The following HDAC8 variants were observed in gnomAD, a reference collection of about 807,000 sequenced individuals.
HDAC8 encodes the protein histone deacetylase 8.
HDAC8 carries 1 observed loss-of-function variant against 32.2 expected under a neutral mutation model. The ratio of observed to expected loss-of-function variants is 0.03; its 90% CI spans 0.01 to 0.15. HDAC8 has a LOEUF of 0.15. Among genes scored for constraint, HDAC8 ranks in the 10% least tolerant of loss-of-function variants. HDAC8 has a pLI of 1.00. For synonymous variants in HDAC8, 108 were observed against 113.9 expected (o/e 0.95, Z 0.33); for missense variants, 117 against 300.0 (o/e 0.39, Z 4.51).
chrX:72,503,012 C>A (rs1569351163), intron 4 of HDAC8, among the ~76,000 whole-genome samples: 1 of 112,222 alleles, frequency 8.9e-6, no homozygotes, highest in East Asian at 2.8e-4. Flanking sequence ...AGAAACTACA[C>A]CTCTTTGTCA....
intron 4 of HDAC8, among the ~76,000 whole-genome samples, chrX:72,557,221 AC>A (rs1354468643): frequency 8.9e-6 from 1 of 111,774 alleles, no homozygotes; most frequent in Non-Finnish European, 1.9e-5. Context: ...AAACAAAAAA[AC>A]ATTCTACCCA....
chrX:72,431,468 T>A (rs1275008630), intron 9 of HDAC8, among the ~76,000 whole-genome samples: 1 of 111,843 alleles, frequency 8.9e-6, no homozygotes, highest in East Asian at 2.8e-4. Flanking sequence ...TTAGGACAGT[T>A]CCACTTTTTT....
At chrX:72,520,821 A>G (rs2049958012) in intron 4 of HDAC8, among the ~76,000 whole-genome samples, 1 of 112,227 alleles carries the variant, frequency 8.9e-6, no homozygotes, top group Admixed American at 9.4e-5. Context: ...TTTGTTTTTC[A>G]TGATAATGGC....
chrX:72,450,336 G>A (rs2047538252), intron 9 of HDAC8, among the ~76,000 whole-genome samples: 1 of 112,216 alleles, frequency 8.9e-6, no homozygotes, highest in African/African-American at 3.2e-5. Flanking sequence ...GTATCCTGAC[G>A]ACGGTAGTAG....
chrX:72,386,045 A>T (rs2045417038), intron 9 of HDAC8, among the ~76,000 whole-genome samples: 1 of 112,200 alleles, frequency 8.9e-6, no homozygotes, highest in Non-Finnish European at 1.9e-5. Flanking sequence ...CTGTGGTGGT[A>T]AAAAATTAGG....
At chrX:72,404,559 C>T (rs1429945348) in intron 9 of HDAC8, among the ~76,000 whole-genome samples, 3 of 109,877 alleles carry the variant, frequency 2.7e-5, no homozygotes, top group Non-Finnish European at 5.7e-5. Context: ...GGATAATTTT[C>T]CTTACTTAGT....
At chrX:72,553,031 C>G (rs1302286250) in intron 4 of HDAC8, among the ~76,000 whole-genome samples, 2 of 110,355 alleles carry the variant, frequency 1.8e-5, no homozygotes, top group Non-Finnish European at 3.8e-5. Flanking sequence ...TGCAGTTGTA[C>G]TAGCCACCCT....
At chrX:72,468,430 C>T (rs781794175) in intron 7 of HDAC8, among the ~76,000 whole-genome samples, 1 of 111,274 alleles carries the variant, frequency 9.0e-6, no homozygotes, top group African/African-American at 3.3e-5. Flanking sequence ...GTGCCAATTC[C>T]TCCAGAATTC....
At chrX:72,440,502 C>T (rs1465775945) in intron 9 of HDAC8, among the ~76,000 whole-genome samples, 3 of 111,174 alleles carry the variant, frequency 2.7e-5, no homozygotes, top group African/African-American at 9.9e-5. Context: ...GATAGAGACA[C>T]AAAAAACCCT....
intron 4 of HDAC8, among the ~76,000 whole-genome samples, chrX:72,508,597 T>C (rs2049467604): frequency 8.9e-6 from 1 of 112,321 alleles, no homozygotes; most frequent in Admixed American, 9.4e-5. Flanking sequence ...TTGGAGCTGA[T>C]TGAGTCATGA....
intron 10 of HDAC8, 59 bp from the exon 11 acceptor site, chrX:72,330,135 A>G: frequency 3.0e-6 from 3 of 993,597 alleles, no homozygotes; most frequent in Non-Finnish European, 2.8e-6. Flanking sequence ...ATTATACCCC[A>G]ATAGAGCTAT....
intron 2 of HDAC8, 126 bp downstream of exon 2, chrX:72,571,931 A>G (rs905580586): frequency 1.5e-4 from 86 of 562,736 alleles, no homozygotes; most frequent in Non-Finnish European, 2.3e-4. Context: ...AAACACTGTG[A>G]ATACTTTCAC....
intron 10 of HDAC8, among the ~76,000 whole-genome samples, chrX:72,350,176 G>T (rs1437609506): frequency 6.3e-5 from 7 of 111,382 alleles, no homozygotes; most frequent in Non-Finnish European, 1.3e-4. Flanking sequence ...GACTTGTGGG[G>T]TCAGTAGCCA....
chrX:72,344,902 G>A (rs2043983869), intron 10 of HDAC8, among the ~76,000 whole-genome samples: 2 of 111,713 alleles, frequency 1.8e-5, no homozygotes, highest in South Asian at 7.6e-4. Context: ...GTATCATGTG[G>A]TGCTCTAATT....
chrX:72,441,923 G>C (rs2047165097), intron 9 of HDAC8, among the ~76,000 whole-genome samples: 1 of 111,788 alleles, frequency 8.9e-6, no homozygotes, highest in Non-Finnish European at 1.9e-5. Flanking sequence ...TCAACTGGAA[G>C]AAAGGGTATC....
chrX:72,507,424 C>T (rs1157645784), intron 4 of HDAC8, among the ~76,000 whole-genome samples: 1 of 111,606 alleles, frequency 9.0e-6, no homozygotes, highest in Non-Finnish European at 1.9e-5. Flanking sequence ...GCCCTGTGTA[C>T]CCTAGAAAGC....
chrX:72,559,486 C>A (rs1247322338), intron 4 of HDAC8, among the ~76,000 whole-genome samples: 1 of 111,598 alleles, frequency 9.0e-6, no homozygotes, highest in South Asian at 3.8e-4. Context: ...TCTGCCCGGC[C>A]GCCACCCCGT....
At chrX:72,562,826 A>G (rs782398483) in intron 4 of HDAC8, among the ~76,000 whole-genome samples, 32 of 109,865 alleles carry the variant, frequency 2.9e-4, no homozygotes, top group Non-Finnish European at 4.4e-4. Flanking sequence ...TTTTCTTCAT[A>G]TGTTTTACAA....
chrX:72,387,983 T>C (rs1328568067), intron 9 of HDAC8, among the ~76,000 whole-genome samples: 1 of 110,175 alleles, frequency 9.1e-6, no homozygotes, highest in Non-Finnish European at 1.9e-5. Context: ...CACAGACAGA[T>C]GACATGGGGA....
Sources: gnomAD v4.1 joint callset for allele counts (sites outside exome capture counted in the v4.1 genomes callset) on GRCh38, gnomAD v4.1.1 for gene constraint, MANE v1.5 for transcripts, NCBI Gene and HGNC (gene_info 2026-07-23, HGNC 2026-07-21) for gene names.